DOCK2: variants seen among roughly 807,000 people sequenced by gnomAD.
DOCK2 encodes the protein dedicator of cytokinesis 2.
A neutral mutation model predicts 248.9 loss-of-function variants in DOCK2; 87 were observed. That is an observed-to-expected ratio of 0.35 (90% CI 0.29 to 0.42). The LOEUF (loss-of-function observed/expected upper bound fraction) is 0.42. Among genes scored for constraint, DOCK2 ranks in the 10% least tolerant of loss-of-function variants. The probability of loss-of-function intolerance (pLI) is 1.00; values close to 1 mark genes in which losing one functional copy is unlikely to be tolerated. For missense variants in DOCK2, 1,747 were observed against 2,300.2 expected, an observed-to-expected ratio of 0.76 and a Z score of 4.92; for synonymous variants, 805 against 821.6, an observed-to-expected ratio of 0.98 and a Z score of 0.35.
intron 28 of DOCK2, among the ~76,000 whole-genome samples, chr5:169,984,936 T>C (rs1408967197): frequency 6.6e-6 from 1 of 152,208 alleles, no homozygotes; most frequent in Non-Finnish European, 1.5e-5. Flanking sequence ...TTTTTATTTT[T>C]TGAGACAGAA....
intron 29 of DOCK2, among the ~76,000 whole-genome samples, chr5:169,991,403 C>CA (rs1778202209): frequency 1.3e-5 from 2 of 152,246 alleles, no homozygotes; most frequent in Non-Finnish European, 2.9e-5. Context: ...GCTGACTTAT[C>CA]TGTTCCCTGC....
chr5:169,733,879 T>G (rs78314639), intron 22 of DOCK2, among the ~76,000 whole-genome samples: 2,413 of 152,280 alleles, frequency 0.016, 68 homozygotes, highest in African/African-American at 0.055. Flanking sequence ...ATGATTTTGT[T>G]GATGTTGCTA....
At chr5:169,827,489 G>A (rs550585847) in intron 26 of DOCK2, among the ~76,000 whole-genome samples, 5 of 152,322 alleles carry the variant, frequency 3.3e-5, no homozygotes, top group Admixed American at 3.3e-4. Flanking sequence ...GCTGTCACTG[G>A]TGAGAACGGA....
chr5:169,745,434 A>T (rs1763559111), intron 22 of DOCK2, among the ~76,000 whole-genome samples: 1 of 152,162 alleles, frequency 6.6e-6, no homozygotes, highest in South Asian at 2.1e-4. Flanking sequence ...AGAACTTCCC[A>T]TGTGGGTTGA....
At chr5:169,840,285 A>T (rs149344553) in intron 26 of DOCK2, among the ~76,000 whole-genome samples, 172 of 152,318 alleles carry the variant, frequency 1.1e-3, no homozygotes, top group African/African-American at 4.0e-3. Context: ...CACTATCGTG[A>T]TGACAGCACC....
At chr5:169,885,446 A>G (rs1268762732) in intron 27 of DOCK2, among the ~76,000 whole-genome samples, 1 of 152,220 alleles carries the variant, frequency 6.6e-6, no homozygotes, top group Non-Finnish European at 1.5e-5. Flanking sequence ...GTATCCTGCT[A>G]GGGCAACAGG....
At chr5:170,044,627 C>T (rs1424981354) in intron 38 of DOCK2, among the ~76,000 whole-genome samples, 3 of 152,210 alleles carry the variant, frequency 2.0e-5, no homozygotes, top group South Asian at 2.1e-4. Context: ...AAAACCCCAG[C>T]CTGGCCCATA....
At chr5:170,061,514 T>C (rs80304066) in intron 44 of DOCK2, among the ~76,000 whole-genome samples, 187 of 152,350 alleles carry the variant, frequency 1.2e-3, no homozygotes, top group African/African-American at 4.2e-3. Flanking sequence ...TCATTACTTT[T>C]ATTCCTGTTA....
chr5:169,999,378 G>A (rs1754756723), intron 30 of DOCK2, among the ~76,000 whole-genome samples: 1 of 152,184 alleles, frequency 6.6e-6, no homozygotes, highest in South Asian at 2.1e-4. Context: ...ATTTAGAACA[G>A]TGCTGGGGAC....
chr5:169,691,143 A>G (rs1488701447), intron 9 of DOCK2, among the ~76,000 whole-genome samples: 3 of 152,158 alleles, frequency 2.0e-5, no homozygotes, highest in African/African-American at 7.2e-5. Context: ...GTCCTATGTG[A>G]CCAGAGCAGG....
At chr5:169,955,919 C>G (rs1258120971) in intron 27 of DOCK2, among the ~76,000 whole-genome samples, 2 of 151,942 alleles carry the variant, frequency 1.3e-5, no homozygotes, top group Admixed American at 1.3e-4. Flanking sequence ...CAGAACAAGC[C>G]AAGTGTGCTT....
At chr5:170,023,666 C>T (rs1755807397) in intron 33 of DOCK2, among the ~76,000 whole-genome samples, 1 of 152,212 alleles carries the variant, frequency 6.6e-6, no homozygotes. Flanking sequence ...CACCCCTTCT[C>T]ACGTGACATT....
At chr5:169,667,395 A>T (rs1758797982) in intron 2 of DOCK2, among the ~76,000 whole-genome samples, 1 of 152,224 alleles carries the variant, frequency 6.6e-6, no homozygotes, top group African/African-American at 2.4e-5. Flanking sequence ...CCTCATCTAT[A>T]AAATGGGAAT....
intron 44 of DOCK2, among the ~76,000 whole-genome samples, chr5:170,065,561 AGAC>A (rs1416297629): frequency 2.0e-5 from 3 of 152,358 alleles, no homozygotes; most frequent in Non-Finnish European, 2.9e-5. Context: ...TACAAAAGAA[AGAC>A]GTTTATTGGA....
Position 169,792,718 on chromosome 5 carries a change from G to T in DOCK2, c.2555-10340G>T, listed in dbSNP as rs1362101942. On this transcript the variant is annotated intron_variant, in intron 25 of 51. Coordinates refer to ENST00000520908, the MANE Select transcript of DOCK2 (RefSeq NM_004946.3). The stretch of plus-strand genomic sequence containing the variant: ...TTTCATCACCAGGATGAAGAGGTGG[G>T]TGCACAGTCTTCCAACAGCCCAAAC... Among the ~76,000 whole-genome samples the T allele has an allele frequency of 2.0e-5, 3 of 152,280 alleles. No individual in the cohort carries two copies. The East Asian group carries it at 5.8e-4, about 29-fold the overall frequency.
At chr5:169,968,761 G>A (rs547970253) in intron 27 of DOCK2, among the ~76,000 whole-genome samples, 25 of 152,342 alleles carry the variant, frequency 1.6e-4, no homozygotes, top group African/African-American at 5.5e-4. Flanking sequence ...TAATGGTGAT[G>A]AGCAAAATAA....
chr5:169,924,684 A>G (rs1027156189), intron 27 of DOCK2, among the ~76,000 whole-genome samples: 3 of 152,252 alleles, frequency 2.0e-5, no homozygotes, highest in Non-Finnish European at 4.4e-5. Flanking sequence ...CTCTGCCATT[A>G]AAGCAGATCT....
rs1771553887 is a variant in DOCK2 at position 169,866,309 on chromosome 5, T to C, written c.2799+25457T>C. 2.0e-5 allele frequency among the ~76,000 whole-genome samples: 3 copies of C among 152,176 alleles called. 1 individual carries two copies. The South Asian group carries it at 6.2e-4, about 32-fold the overall frequency. ...CCATCATTATATTAAATTAGAATTG[T>C]ATTGTGGATGAAACATAGGCTGTGG... On this transcript the variant is annotated intron_variant, in intron 27 of 51. Coordinates refer to ENST00000520908, the MANE Select transcript of DOCK2 (RefSeq NM_004946.3).
intron 23 of DOCK2, among the ~76,000 whole-genome samples, chr5:169,756,338 G>A (rs916863513): frequency 6.6e-6 from 1 of 152,212 alleles, no homozygotes; most frequent in African/African-American, 2.4e-5. Context: ...CCAGCAACTC[G>A]CAGCAGACAC....
Sources: gnomAD v4.1 joint callset for allele counts (sites outside exome capture counted in the v4.1 genomes callset) on GRCh38, gnomAD v4.1.1 for gene constraint, MANE v1.5 for transcripts, NCBI Gene and HGNC (gene_info 2026-07-23, HGNC 2026-07-21) for gene names.